Variants in MICU3 observed in about 807,000 individuals in gnomAD.
MICU3 encodes mitochondrial calcium uptake 3, also known as calcium uptake protein 3, mitochondrial.
In MICU3, 62 loss-of-function variants were observed where a neutral mutation model predicts 66.5. That is an observed-to-expected ratio of 0.93 (90% CI 0.76 to 1.15). The LOEUF is 1.15. MICU3 is among the 50% of genes most tolerant of loss of function. The pLI is 0.00. For synonymous variants in MICU3, 308 were observed against 240.7 expected (o/e 1.28, Z -2.59); for missense variants, 779 against 664.4 (o/e 1.17, Z -1.90).
intron 8 of MICU3, among the ~76,000 whole-genome samples, chr8:17,095,554 A>AT (rs1800584539): frequency 6.6e-6 from 1 of 151,760 alleles, no homozygotes; most frequent in Non-Finnish European, 1.5e-5. Flanking sequence ...CTGTTACTTT[A>AT]TTTTTCCCCT....
intron 1 of MICU3, among the ~76,000 whole-genome samples, chr8:17,038,120 T>G (rs866888445): frequency 1.4e-4 from 21 of 152,186 alleles, no homozygotes; most frequent in Admixed American, 1.2e-3. Flanking sequence ...TGAAATGAGT[T>G]AAGACTTTGG....
the MICU3 span, among the ~76,000 whole-genome samples, chr8:17,129,161 G>T: frequency 2.0e-5 from 3 of 152,114 alleles, no homozygotes; most frequent in African/African-American, 7.2e-5. Flanking sequence ...TATCAGTACC[G>T]CAGCTACCTG....
chr8:17,126,374 C>A (rs978664224), downstream of MICU3, among the ~76,000 whole-genome samples: 1 of 151,992 alleles, frequency 6.6e-6, no homozygotes, highest in African/African-American at 2.4e-5. Flanking sequence ...TTTTCCTGTC[C>A]TTGAGAAAGA....
At chr8:17,123,008 T>C (rs1288297166), downstream of MICU3, among the ~76,000 whole-genome samples, 1 of 152,048 alleles carries the variant, frequency 6.6e-6, no homozygotes, top group Admixed American at 6.6e-5. Context: ...CTACTACTTA[T>C]AGCCATATAG....
At chr8:17,062,114 C>T (rs1272444832) in intron 1 of MICU3, among the ~76,000 whole-genome samples, 2 of 152,178 alleles carry the variant, frequency 1.3e-5, no homozygotes, top group East Asian at 1.9e-4. Context: ...AGCTCACCAT[C>T]CTTTTACTAC....
At chr8:17,059,655 G>A (rs1817524932) in intron 1 of MICU3, among the ~76,000 whole-genome samples, 1 of 152,046 alleles carries the variant, frequency 6.6e-6, no homozygotes, top group Non-Finnish European at 1.5e-5. Flanking sequence ...TGGATATGAA[G>A]CAAATACACT....
At chr8:17,098,412 G>A in intron 8 of MICU3, 46 bp from the exon 9 acceptor site, 2 of 1,152,482 alleles carry the variant, frequency 1.7e-6, no homozygotes, top group Non-Finnish European at 2.6e-6. Flanking sequence ...ATCATTCTTT[G>A]TAACTATTCT....
intron 5 of MICU3, 121 bp downstream of exon 5, chr8:17,081,861 A>T: frequency 1.7e-6 from 1 of 579,738 alleles, no homozygotes; most frequent in Non-Finnish European, 3.2e-6. Flanking sequence ...TGCAAAATTC[A>T]TGTTTAATGC....
At position 17,087,637 on chromosome 8, in the gene MICU3, A is replaced by T. The variant is rs148978717; in HGVS notation, c.849+602A>T. On this transcript the variant is annotated intron_variant, in intron 7 of 14. Transcript: ENST00000318063. ...ACAAACAGGTACTAAGACCTTACAA[A>T]CGGACACTATACTAGGTGCTTTCCA... 8.5e-3 allele frequency among the ~76,000 whole-genome samples: 1,296 copies of T among 152,150 alleles called. 14 individuals carry two copies. Among genetic ancestry groups the T allele is most frequent in the African/African-American group, 0.029 (1,222 of 41,550 alleles).
the MICU3 span, among the ~76,000 whole-genome samples, chr8:17,128,505 C>T: frequency 6.6e-6 from 1 of 152,086 alleles, no homozygotes; most frequent in Admixed American, 6.5e-5. Flanking sequence ...AATGAGAAAA[C>T]TGTAGGGATT....
intron 1 of MICU3, among the ~76,000 whole-genome samples, chr8:17,028,284 T>C (rs933183456): frequency 9.9e-5 from 15 of 152,134 alleles, no homozygotes; most frequent in African/African-American, 3.4e-4. Flanking sequence ...ATCCCGTTAG[T>C]AGGTAACGAT....
chr8:17,091,172 TA>T (rs1800008588), intron 8 of MICU3, among the ~76,000 whole-genome samples: 1 of 152,108 alleles, frequency 6.6e-6, no homozygotes, highest in African/African-American at 2.4e-5. Context: ...TTTCTTGTCT[TA>T]AAAAAATTGA....
chr8:17,067,780 C>A (rs938402668), intron 2 of MICU3, among the ~76,000 whole-genome samples: 1 of 152,016 alleles, frequency 6.6e-6, no homozygotes, highest in Non-Finnish European at 1.5e-5. Context: ...ACACGGCACA[C>A]CATTTTTTTC....
intron 1 of MICU3, among the ~76,000 whole-genome samples, chr8:17,039,895 C>CT (rs35133600): frequency 0.32 from 20,184 of 62,382 alleles, 8,080 homozygotes; most frequent in South Asian, 0.42. Flanking sequence ...ATCTTGCATT[C>CT]TTTTTTTTTT....
chr8:17,041,746 T>C (rs1814141593), intron 1 of MICU3, among the ~76,000 whole-genome samples: 2 of 152,154 alleles, frequency 1.3e-5, no homozygotes, highest in South Asian at 4.1e-4. Flanking sequence ...AGTTTAATCT[T>C]AGATAATAGG....
rs770911769 is a variant in MICU3, at chr8:17,085,270, G to A, written c.729G>A (p.Met243Ile). The A allele has an allele frequency of 6.2e-7, 1 of 1,611,202 alleles. No homozygotes were observed. The highest frequency in any genetic ancestry group is 1.3e-5 in the African/African-American group (1 of 74,736). The change falls in exon 6 of 15, where the codon ATG becomes ATA. Residue 243 changes from methionine to isoleucine, a missense_variant. Met to Ile is a conservative substitution (Grantham distance 10). Coordinates refer to ENST00000318063, the MANE Select transcript of MICU3 (RefSeq NM_181723.3). ...CAGGGTTCAGAATAGCTTTCAACAT[G>A]TTTGACACTGATGGCAATGAGATGG... The part of the protein sequence containing the change: ...PHAGFRIAFN[M>I]FDTDGNEMVD...
At position 17,116,574 on chromosome 8, in the gene MICU3, A is replaced by G. The variant is rs773024367; in HGVS notation, c.1498A>G (p.Lys500Glu). ...TTATAAAGAATTTATTGGAATTATG[A>G]AAGACAGACTCCATAGAGGATTCCG... Reference protein sequence around the residue: ...LSYKEFIGIMKDRLHRGFRGY... With the variant: ...LSYKEFIGIMEDRLHRGFRGY... Residue 500 changes from lysine to glutamate, a missense_variant, in exon 13 of 15, where the codon AAA (lysine) becomes GAA (glutamate). Transcript: ENST00000318063. 6.4e-7 allele frequency: 1 copy of G among 1,565,026 alleles called. No homozygotes were observed. Among genetic ancestry groups the G allele is most frequent in the South Asian group, 1.2e-5 (1 of 81,890 alleles).
At chr8:17,049,748 C>A in intron 1 of MICU3, 1 of 479,278 alleles carries the variant, frequency 2.1e-6, no homozygotes, top group South Asian at 1.5e-5. Context: ...CTGTGTGACC[C>A]TGTTGAAGGC....
At chr8:17,059,597 T>C (rs573806740) in intron 1 of MICU3, among the ~76,000 whole-genome samples, 1 of 152,318 alleles carries the variant, frequency 6.6e-6, no homozygotes, top group South Asian at 2.1e-4. Context: ...GATTACCTAC[T>C]TAGCAAATCT....
Sources: allele counts gnomAD v4.1 joint callset (sites outside exome capture counted in the v4.1 genomes callset), GRCh38; gene constraint gnomAD v4.1.1; transcripts MANE v1.5; gene names NCBI Gene and HGNC (gene_info 2026-07-23, HGNC 2026-07-21).